Variants in COL4A2 observed in about 807,000 individuals in gnomAD.
The protein encoded by COL4A2 is collagen type IV alpha 2 chain.
Under a neutral mutation model 200.2 loss-of-function variants are expected in COL4A2, and 99 were observed. The ratio of observed to expected loss-of-function variants is 0.49; its 90% CI spans 0.42 to 0.58. COL4A2 has a LOEUF of 0.58. COL4A2 is among the 20% of genes least tolerant of loss of function. The probability of loss-of-function intolerance (pLI) is 0.00; values close to 1 mark genes in which losing one functional copy is unlikely to be tolerated. For synonymous variants in COL4A2, 897 were observed against 900.6 expected (o/e 1.00, Z 0.07); for missense variants, 1,950 against 2,314.1 (o/e 0.84, Z 3.23).
rs530933085 is a variant in COL4A2, at chr13:110,321,225, T to TACAC, written c.99+13116_99+13119dup. Among the ~76,000 whole-genome samples the TACAC allele has an allele frequency of 1.5e-4, 22 of 143,606 alleles. No individual in the cohort carries two copies. In the South Asian group the frequency reaches 2.8e-3, roughly 18 times the overall value. The allele number at this position is 143,606 out of a possible 152,430, so 94.2% of individuals were successfully genotyped here. ...GTCTGTGTGTATATATATATATATA[T>TACAC]ACACACACACACACACATAGAGAGT... is the stretch of plus-strand genomic sequence containing the variant. On this transcript the variant is annotated intron_variant, in intron 3 of 47. Coordinates refer to ENST00000360467, the MANE Select transcript of COL4A2 (RefSeq NM_001846.4).
intron 4 of COL4A2, among the ~76,000 whole-genome samples, chr13:110,409,798 G>A (rs886310733): frequency 2.0e-5 from 3 of 152,218 alleles, no homozygotes; most frequent in African/African-American, 7.2e-5. Context: ...TTTTAATTGC[G>A]GATGTGTGTT....
At chr13:110,328,533 A>G (rs1830895509) in intron 3 of COL4A2, 1 of 152,238 alleles carries the variant, frequency 6.6e-6, no homozygotes, top group Admixed American at 6.5e-5. Flanking sequence ...TGAAAATAGA[A>G]CAGCGCACTT....
intron 3 of COL4A2, among the ~76,000 whole-genome samples, chr13:110,333,277 T>C (rs1268936152): frequency 6.6e-6 from 1 of 152,238 alleles, no homozygotes; most frequent in East Asian, 1.9e-4. Context: ...TCTTTGTTAA[T>C]GAAATCTGAG....
intron 29 of COL4A2, 144 bp from the exon 30 acceptor site, chr13:110,477,859 A>G: frequency 1.3e-6 from 1 of 792,584 alleles, no homozygotes; most frequent in Non-Finnish European, 1.8e-6. Flanking sequence ...TTTATCCTTT[A>G]TACTTCTTTG....
At chr13:110,434,294 A>G in intron 11 of COL4A2, 107 bp from the exon 12 acceptor site, 1 of 952,230 alleles carries the variant, frequency 1.1e-6, no homozygotes, top group Non-Finnish European at 1.6e-6. Flanking sequence ...GTTGCTCAGT[A>G]AAGTTGCCGA....
chr13:110,474,769 G>A (rs1405263510), intron 29 of COL4A2, among the ~76,000 whole-genome samples: 5 of 113,812 alleles, frequency 4.4e-5, no homozygotes, highest in Admixed American at 9.6e-5. Flanking sequence ...CATCACACAC[G>A]CACGTACCCA....
In COL4A2 at chr13:110,465,626, T is replaced by C. The variant is rs1358807750; in HGVS notation, c.1978+20T>C. The C allele has an allele frequency of 6.3e-7, 1 of 1,584,790 alleles. No individual in the cohort carries two copies. Among genetic ancestry groups the C allele is most frequent in the African/African-American group, 1.4e-5 (1 of 73,600 alleles). On this transcript the variant is annotated intron_variant, in intron 25 of 47. Coordinates refer to ENST00000360467, the MANE Select transcript of COL4A2 (RefSeq NM_001846.4). ...AAATAGGTATGAAGGAATCCTCCCT[T>C]TTACCTTTCACAGTCCTGAGACATT...
chr13:110,415,811 T>C (rs1880020963), intron 4 of COL4A2, among the ~76,000 whole-genome samples: 1 of 152,174 alleles, frequency 6.6e-6, no homozygotes, highest in Non-Finnish European at 1.5e-5. Flanking sequence ...TGCTTCCACC[T>C]GGGGCAGACT....
intron 27 of COL4A2, 26 bp from the exon 28 acceptor site, chr13:110,469,191 G>T: frequency 6.4e-7 from 1 of 1,563,370 alleles, no homozygotes. Context: ...AGCCTGATGT[G>T]GTTTGTGGTT....
Position 110,355,858 on chromosome 13 carries a change from T to C in COL4A2, c.100-1614T>C, listed in dbSNP as rs144205325. 3.7e-3 allele frequency among the ~76,000 whole-genome samples: 502 copies of C among 133,960 alleles called. 30 individuals carry two copies. The highest frequency in any genetic ancestry group is 0.013 in the Middle Eastern group (3 of 236). The allele number at this position is 133,960 out of a possible 152,430, so 87.9% of individuals were successfully genotyped here. A position where few individuals can be genotyped will look rare whatever the true frequency, so the allele number is the denominator to read the frequency against. On this transcript the variant is annotated intron_variant, in intron 3 of 47. Transcript: ENST00000360467. Reference sequence around the variant, plus strand: ...CTGTGTGTGGGGGGGAGGGCTGTACTAGCTCACCTGTGTGGGGGCTGAGGG... The same window carrying C: ...CTGTGTGTGGGGGGGAGGGCTGTACCAGCTCACCTGTGTGGGGGCTGAGGG...
intron 4 of COL4A2, among the ~76,000 whole-genome samples, chr13:110,396,663 C>CCG (rs1465563900): frequency 1.3e-5 from 2 of 152,154 alleles, no homozygotes; most frequent in Non-Finnish European, 2.9e-5. Flanking sequence ...ACTGACCACC[C>CCG]CGTCATTAAA....
intron 26 of COL4A2, among the ~76,000 whole-genome samples, chr13:110,466,668 A>T (rs910423088): frequency 1.3e-5 from 2 of 152,206 alleles, no homozygotes; most frequent in Non-Finnish European, 2.9e-5. Flanking sequence ...GGCTATCTCC[A>T]TTGCTGGCAG....
intron 4 of COL4A2, 95 bp from the exon 5 acceptor site, chr13:110,424,639 A>T: frequency 1.2e-6 from 1 of 811,646 alleles, no homozygotes; most frequent in South Asian, 2.1e-5. Context: ...CTCTTTAAAA[A>T]CAAAAAAAAA....
At chr13:110,355,260 T>G (rs1033658186) in intron 3 of COL4A2, among the ~76,000 whole-genome samples, 3 of 146,640 alleles carry the variant, frequency 2.0e-5, no homozygotes, top group African/African-American at 8.2e-5. Flanking sequence ...TAGATTAAGA[T>G]TCACCTGTGA....
chr13:110,419,477 G>A (rs780863913), intron 4 of COL4A2, among the ~76,000 whole-genome samples: 1 of 152,178 alleles, frequency 6.6e-6, no homozygotes, highest in South Asian at 2.1e-4. Flanking sequence ...GCCCTGATGC[G>A]TCATCCATCT....
chr13:110,333,275 A>G (rs1876012210), intron 3 of COL4A2, among the ~76,000 whole-genome samples: 2 of 152,192 alleles, frequency 1.3e-5, no homozygotes, highest in Admixed American at 6.5e-5. Flanking sequence ...ACTCTTTGTT[A>G]ATGAAATCTG....
Position 110,478,049 on chromosome 13 carries a change from C to T in COL4A2, c.2472C>T (p.Gly824=), listed in dbSNP as rs1404880688. ...PGMPGLKGQP[G]LPGPSGQPGL... is the part of the protein sequence containing the mutation. ...TGCCAGGGCTGAAGGGCCAGCCAGG[C>T]CTCCCAGGACCTTCCGGCCAGCCAG... The change falls in exon 30 of 48, where the codon GGC becomes GGT. Residue 824 remains glycine, a synonymous_variant. Transcript: ENST00000360467. 6.3e-7 allele frequency: 1 copy of T among 1,592,612 alleles called. No homozygotes were observed. Among genetic ancestry groups the T allele is most frequent in the South Asian group, 1.1e-5 (1 of 88,858 alleles).
At position 110,506,446 on chromosome 13, in the gene COL4A2, G is replaced by A; in HGVS notation, c.4434G>A (p.Leu1478=). The part of the protein sequence containing the change: ...GAPGRPGSPG[L]PGMPGRSVSI... ...CAGGCCGTCCAGGGAGCCCGGGCCT[G>A]CCGGGTATGCCAGGCCGCAGCGTCA... is the stretch of plus-strand genomic sequence containing the variant. Residue 1478 remains leucine, a synonymous_variant, in exon 46 of 48, where the codon CTG becomes CTA. Coordinates refer to ENST00000360467, the MANE Select transcript of COL4A2 (RefSeq NM_001846.4). 1 of 1,612,258 alleles carries A rather than the reference G, an allele frequency of 6.2e-7. No individual in the cohort carries two copies. The highest frequency in any genetic ancestry group is 8.5e-7 in the Non-Finnish European group (1 of 1,179,552).
At chr13:110,362,545 T>G (rs1386810444) in intron 4 of COL4A2, among the ~76,000 whole-genome samples, 1 of 151,994 alleles carries the variant, frequency 6.6e-6, no homozygotes, top group Non-Finnish European at 1.5e-5. Flanking sequence ...GGTCTTGAAC[T>G]CCTAAGCTCA....
Sources: allele counts gnomAD v4.1 joint callset (sites outside exome capture counted in the v4.1 genomes callset), GRCh38; gene constraint gnomAD v4.1.1; transcripts MANE v1.5; gene names NCBI Gene and HGNC (gene_info 2026-07-23, HGNC 2026-07-21).